The following PLCB4 variants were observed in gnomAD, a reference collection of about 807,000 sequenced individuals.
PLCB4 encodes phospholipase C beta 4.
PLCB4 carries 77 observed loss-of-function variants against 178.8 expected under a neutral mutation model. The observed-to-expected ratio is 0.43, with a 90% CI of 0.36 to 0.52. The LOEUF (loss-of-function observed/expected upper bound fraction) is 0.52. Ranked by LOEUF, PLCB4 falls within the 20% of genes least tolerant of loss-of-function variation. The pLI, the probability that PLCB4 is intolerant of heterozygous loss-of-function variation, is 0.00. For missense variants in PLCB4, 1,024 were observed against 1,453.4 expected (o/e 0.70, Z 4.80); for synonymous variants, 496 against 490.8 (o/e 1.01, Z -0.14).
intron 36 of PLCB4, among the ~76,000 whole-genome samples, chr20:9,471,510 T>C (rs1231250412): frequency 6.6e-6 from 1 of 151,958 alleles, no homozygotes; most frequent in African/African-American, 2.4e-5. Flanking sequence ...AAACTACCAA[T>C]AAATTTGAAA....
At chr20:9,142,187 C>T (rs778434584) in intron 2 of PLCB4, among the ~76,000 whole-genome samples, 20 of 152,084 alleles carry the variant, frequency 1.3e-4, no homozygotes, top group Non-Finnish European at 2.8e-4. Flanking sequence ...TTGTGGTCAG[C>T]ACCACAAGGG....
intron 4 of PLCB4, among the ~76,000 whole-genome samples, chr20:9,313,530 A>C (rs1019274677): frequency 6.6e-6 from 1 of 152,206 alleles, no homozygotes; most frequent in Non-Finnish European, 1.5e-5. Context: ...TGGGGGAGAA[A>C]AAGTAGTGAA....
At chr20:9,362,403 T>C (rs1411237713) in intron 7 of PLCB4, among the ~76,000 whole-genome samples, 1 of 152,176 alleles carries the variant, frequency 6.6e-6, no homozygotes, top group Non-Finnish European at 1.5e-5. Flanking sequence ...TGAAAGAATG[T>C]TTTTCTTTTT....
At chr20:9,292,273 A>C (rs1305183348) in intron 3 of PLCB4, among the ~76,000 whole-genome samples, 1 of 152,212 alleles carries the variant, frequency 6.6e-6, no homozygotes, top group Admixed American at 6.5e-5. Flanking sequence ...TTCTAAAAAG[A>C]GATTTCCCTC....
chr20:9,213,184 G>C (rs1021322536), intron 2 of PLCB4, among the ~76,000 whole-genome samples: 2 of 123,674 alleles, frequency 1.6e-5, no homozygotes. Flanking sequence ...CTATCACCCA[G>C]GCTGGAGGGC....
At chr20:9,103,564 G>T (rs922136289) in intron 2 of PLCB4, among the ~76,000 whole-genome samples, 3 of 152,138 alleles carry the variant, frequency 2.0e-5, no homozygotes, top group African/African-American at 7.2e-5. Context: ...CTTTCAGAGA[G>T]TGAGAATAAT....
intron 17 of PLCB4, among the ~76,000 whole-genome samples, chr20:9,391,742 C>A (rs1412886399): frequency 6.6e-6 from 1 of 152,194 alleles, no homozygotes; most frequent in East Asian, 1.9e-4. Context: ...GAGCTCTGGT[C>A]ACTGGAGCCT....
At position 9,384,594 on chromosome 20, in the gene PLCB4, T is replaced by G. The variant is rs13036731; in HGVS notation, c.1064+183T>G. Among the ~76,000 whole-genome samples the G allele has an allele frequency of 0.082, 12,534 of 152,258 alleles. 692 individuals are homozygous for G. The highest frequency in any genetic ancestry group is 0.15 in the African/African-American group (6,166 of 41,520). On this transcript the variant is annotated intron_variant, in intron 14 of 39. Coordinates refer to ENST00000378473, the MANE Select transcript of PLCB4 (RefSeq NM_001377142.1). ...GACAGTATCTCTTTCGGAAAAATCT[T>G]CAGTCATCCAAAAGACTTTACTGTG...
intron 7 of PLCB4, among the ~76,000 whole-genome samples, chr20:9,342,545 C>T (rs1349707693): frequency 2.0e-5 from 3 of 152,106 alleles, no homozygotes. Context: ...ATACCTTAAA[C>T]ACTGTAACTT....
intron 2 of PLCB4, among the ~76,000 whole-genome samples, chr20:9,131,185 C>T (rs1471497512): frequency 6.6e-6 from 1 of 152,122 alleles, no homozygotes; most frequent in Non-Finnish European, 1.5e-5. Flanking sequence ...TCTTTCGGTA[C>T]ATCTATTGCC....
At chr20:9,247,077 C>T (rs1030444658) in intron 3 of PLCB4, among the ~76,000 whole-genome samples, 1 of 152,106 alleles carries the variant, frequency 6.6e-6, no homozygotes, top group African/African-American at 2.4e-5. Context: ...TATTAAGATA[C>T]TTCAACATCA....
At chr20:9,466,980 A>G (rs567172700) in intron 35 of PLCB4, among the ~76,000 whole-genome samples, 2 of 152,158 alleles carry the variant, frequency 1.3e-5, no homozygotes, top group East Asian at 3.9e-4. Context: ...ACATGCACAC[A>G]TGTGTTTATT....
chr20:9,162,844 A>C (rs1055565594), intron 2 of PLCB4, among the ~76,000 whole-genome samples: 1 of 152,174 alleles, frequency 6.6e-6, no homozygotes, highest in Non-Finnish European at 1.5e-5. Flanking sequence ...AAATGTTTAT[A>C]GTCTTACTTT....
At chr20:9,421,495 A>G (rs2148569104) in intron 27 of PLCB4, 34 bp downstream of exon 27, 1 of 1,574,874 alleles carries the variant, frequency 6.3e-7, no homozygotes, top group Admixed American at 1.7e-5. Flanking sequence ...ACTTACTCTA[A>G]TAACTTGGGA....
In PLCB4 at chr20:9,177,384, T is replaced by A. The variant is rs549752736; in HGVS notation, c.-78-40006T>A. On this transcript the variant is annotated intron_variant, in intron 2 of 39. Coordinates refer to ENST00000378473, the MANE Select transcript of PLCB4 (RefSeq NM_001377142.1). The stretch of plus-strand genomic sequence containing the variant: ...TGATAACTAATTAAACTACTGCTGT[T>A]AATTTGTGTCGAATACCAAGCAGAG... Among the ~76,000 whole-genome samples, 3 of 152,300 alleles carry A rather than the reference T, an allele frequency of 2.0e-5. No homozygotes were observed. The South Asian group carries it at 6.2e-4, about 32-fold the overall frequency.
intron 2 of PLCB4, among the ~76,000 whole-genome samples, chr20:9,109,011 G>C (rs948910827): frequency 1.3e-5 from 2 of 149,154 alleles, no homozygotes; most frequent in African/African-American, 4.9e-5. Flanking sequence ...TCCCAGAAAT[G>C]TAAGGTGCCC....
chr20:9,080,439 T>C (rs1033201828), intron 1 of PLCB4, among the ~76,000 whole-genome samples: 1 of 152,228 alleles, frequency 6.6e-6, no homozygotes, highest in Non-Finnish European at 1.5e-5. Context: ...TTCTCAGAGT[T>C]GGTCACTCTG....
chr20:9,380,309 C>T (rs1380030978), intron 13 of PLCB4, 147 bp downstream of exon 13: 16 of 517,082 alleles, frequency 3.1e-5, no homozygotes, highest in East Asian at 6.2e-5. Flanking sequence ...CTCTTAAGTT[C>T]GTATAAATTT....
intron 27 of PLCB4, 146 bp downstream of exon 27, chr20:9,421,607 A>G: frequency 1.5e-6 from 1 of 651,940 alleles, no homozygotes; most frequent in Non-Finnish European, 2.6e-6. Flanking sequence ...TGTAGCTGTC[A>G]TAGGATCATT....
Sources: allele counts gnomAD v4.1 joint callset (sites outside exome capture counted in the v4.1 genomes callset), GRCh38; gene constraint gnomAD v4.1.1; transcripts MANE v1.5; gene names NCBI Gene and HGNC (gene_info 2026-07-23, HGNC 2026-07-21).